DAB1: variants seen among roughly 807,000 people sequenced by gnomAD.
DAB1 encodes DAB adaptor protein 1, also known as disabled homolog 1.
DAB1 carries 15 observed loss-of-function variants against 64.6 expected under a neutral mutation model. The ratio of observed to expected loss-of-function variants is 0.23; its 90% CI spans 0.16 to 0.36. DAB1 has a LOEUF of 0.36. Ranked by LOEUF, DAB1 falls within the 10% of genes least tolerant of loss-of-function variation. The pLI is 1.00. For missense variants in DAB1, 596 were observed against 706.7 expected (o/e 0.84, Z 1.78); for synonymous variants, 235 against 251.9 (o/e 0.93, Z 0.64).
chr1:57,653,031 C>T (rs115778714), intron 6 of DAB1, among the ~76,000 whole-genome samples: 1,560 of 152,276 alleles, frequency 0.01, 29 homozygotes, highest in African/African-American at 0.036. Context: ...CACTTAAGTG[C>T]CTCCTACTTA....
intron 7 of DAB1, among the ~76,000 whole-genome samples, chr1:57,608,245 A>G (rs1645681482): frequency 6.6e-6 from 1 of 152,192 alleles, no homozygotes; most frequent in African/African-American, 2.4e-5. Flanking sequence ...ACAGACACAC[A>G]CATACACAAT....
intron 4 of DAB1, among the ~76,000 whole-genome samples, chr1:58,323,169 A>G (rs1248971861): frequency 1.3e-5 from 2 of 151,984 alleles, no homozygotes; most frequent in African/African-American, 2.4e-5. Flanking sequence ...CAGCACATCA[A>G]CATGGCACAT....
At chr1:57,469,147 T>C (rs1687055650) in intron 7 of DAB1, among the ~76,000 whole-genome samples, 1 of 152,226 alleles carries the variant, frequency 6.6e-6, no homozygotes, top group African/African-American at 2.4e-5. Flanking sequence ...CAAATAAACC[T>C]GGGGCTGAAG....
At chr1:58,223,284 A>T (rs1659273106) in intron 4 of DAB1, among the ~76,000 whole-genome samples, 1 of 152,228 alleles carries the variant, frequency 6.6e-6, no homozygotes. Flanking sequence ...GCACGTACTC[A>T]GTTTCTGTCC....
chr1:58,371,806 G>T (rs574481866), intron 3 of DAB1, among the ~76,000 whole-genome samples: 9 of 152,186 alleles, frequency 5.9e-5, no homozygotes, highest in Non-Finnish European at 1.0e-4. Flanking sequence ...TGCTTCAAAG[G>T]GTGCAAGCTC....
chr1:58,406,900 G>A (rs1644621412), intron 3 of DAB1, among the ~76,000 whole-genome samples: 1 of 152,056 alleles, frequency 6.6e-6, no homozygotes, highest in Non-Finnish European at 1.5e-5. Flanking sequence ...CGTCTCAGCT[G>A]GAGGAAAAAT....
At chr1:57,052,771 T>C (rs911637259) in intron 9 of DAB1, among the ~76,000 whole-genome samples, 1 of 152,202 alleles carries the variant, frequency 6.6e-6, no homozygotes, top group Non-Finnish European at 1.5e-5. Flanking sequence ...AGGAATACCT[T>C]ATAGAACCAT....
At chr1:58,203,168 G>A (rs1658090968) in intron 4 of DAB1, among the ~76,000 whole-genome samples, 2 of 152,152 alleles carry the variant, frequency 1.3e-5, no homozygotes, top group Non-Finnish European at 2.9e-5. Context: ...GGATGCTTTG[G>A]TAAAACTAAG....
At chr1:57,217,264 A>G (rs2100361779) in intron 2 of DAB1, among the ~76,000 whole-genome samples, 1 of 152,356 alleles carries the variant, frequency 6.6e-6, no homozygotes, top group Non-Finnish European at 1.5e-5. Flanking sequence ...CTTTGAAGAT[A>G]AGGATATTTA....
chr1:57,841,832 A>C (rs544655546), intron 1 of DAB1, among the ~76,000 whole-genome samples: 1 of 151,962 alleles, frequency 6.6e-6, no homozygotes, highest in East Asian at 1.9e-4. Flanking sequence ...AGATCTCTGA[A>C]ATGCCTTGGT....
At chr1:58,185,809 G>A (rs950278629) in intron 4 of DAB1, among the ~76,000 whole-genome samples, 22 of 152,140 alleles carry the variant, frequency 1.4e-4, no homozygotes, top group Non-Finnish European at 2.2e-4. Context: ...CGTGTGTTCA[G>A]GTGGTACTGC....
chr1:57,852,628 C>T (rs1167746851), intron 1 of DAB1, among the ~76,000 whole-genome samples: 1 of 152,014 alleles, frequency 6.6e-6, no homozygotes, highest in African/African-American at 2.4e-5. Flanking sequence ...AATAATGTGA[C>T]ACACATTGAT....
intron 4 of DAB1, among the ~76,000 whole-genome samples, chr1:58,155,832 G>T (rs556407294): frequency 1.3e-5 from 2 of 152,196 alleles, no homozygotes; most frequent in African/African-American, 4.8e-5. Flanking sequence ...ATGACTTCAT[G>T]ATGAAAGATT....
chr1:57,537,224 G>A lies in DAB1; in HGVS notation n.625+112368C>T, dbSNP rs190477733. ...CATTATATTTTTACTGGACAGAGCTGCTCTAGTAGACTGGTTCCCAAACCT... is the reference window on the plus strand; with the variant it reads ...CATTATATTTTTACTGGACAGAGCTACTCTAGTAGACTGGTTCCCAAACCT... On this transcript the variant is annotated intron_variant and non_coding_transcript_variant, in intron 7 of 20. Coordinates refer to the DAB1 transcript ENST00000485760. 2.9e-3 allele frequency among the ~76,000 whole-genome samples: 436 copies of A among 152,284 alleles called. 2 individuals are homozygous for A. The highest frequency in any genetic ancestry group is 9.8e-3 in the African/African-American group (408 of 41,574).
chr1:57,566,948 C>T (rs941977439), intron 7 of DAB1, among the ~76,000 whole-genome samples: 3 of 152,148 alleles, frequency 2.0e-5, no homozygotes, highest in Non-Finnish European at 4.4e-5. Context: ...CATCCTGATA[C>T]CAAAGCCTGG....
intron 5 of DAB1, among the ~76,000 whole-genome samples, chr1:57,914,441 A>T (rs1463277301): frequency 8.0e-6 from 1 of 124,436 alleles, no homozygotes; most frequent in Non-Finnish European, 1.7e-5. Context: ...GGGCGGGGGG[A>T]GGGATAGCAT....
intron 2 of DAB1, among the ~76,000 whole-genome samples, chr1:57,270,380 A>G (rs1670899912): frequency 6.6e-6 from 1 of 152,190 alleles, no homozygotes; most frequent in South Asian, 2.1e-4. Flanking sequence ...AAGTTACTCC[A>G]TTAATTAAAA....
chr1:57,957,246 G>A (rs951726070), intron 5 of DAB1, among the ~76,000 whole-genome samples: 2 of 152,190 alleles, frequency 1.3e-5, no homozygotes, highest in African/African-American at 2.4e-5. Context: ...GTGGTGAGAA[G>A]TGGCCACATC....
At chr1:58,277,037 CTTTTTTTT>C (rs869207396) in intron 4 of DAB1, among the ~76,000 whole-genome samples, 2 of 79,648 alleles carry the variant, frequency 2.5e-5, no homozygotes, top group Non-Finnish European at 4.7e-5. Flanking sequence ...CTTTTTTTTT[CTTTTTTTT>C]TTTTTTTTTT....
Sources: allele counts gnomAD v4.1 joint callset (sites outside exome capture counted in the v4.1 genomes callset), GRCh38; gene constraint gnomAD v4.1.1; transcripts MANE v1.5; gene names NCBI Gene and HGNC (gene_info 2026-07-23, HGNC 2026-07-21).